Variants in IL13RA1 observed in about 807,000 individuals in gnomAD.
IL13RA1 encodes interleukin-13 receptor subunit alpha-1.
In IL13RA1, 14 loss-of-function variants were observed where a neutral mutation model predicts 33.8. The ratio of observed to expected loss-of-function variants is 0.41; its 90% CI spans 0.27 to 0.65. The LOEUF is 0.65. Among genes scored for constraint, IL13RA1 ranks in the 30% least tolerant of loss-of-function variants. The pLI is 0.28. For synonymous variants in IL13RA1, 116 were observed against 115.7 expected, an observed-to-expected ratio of 1.00 and a Z score of -0.02; for missense variants, 313 against 327.0, an observed-to-expected ratio of 0.96 and a Z score of 0.33.
chrX:118,787,154 A>G (rs776461390), intron 10 of IL13RA1, among the ~76,000 whole-genome samples: 8 of 111,683 alleles, frequency 7.2e-5, no homozygotes, highest in African/African-American at 2.3e-4. Context: ...CCAGCCCCCA[A>G]TATTTCAACG....
chrX:118,758,238 C>A lies in IL13RA1; in HGVS notation c.672C>A (p.Ser224=), dbSNP rs995343473. 2.0e-6 allele frequency: 2 copies of A among 1,005,658 alleles called. No homozygotes were observed. The highest frequency in any genetic ancestry group is 3.7e-5 in the African/African-American group (2 of 53,341). 82.9% of individuals were successfully genotyped at this position (1,005,658 alleles called of 1,213,427 possible). ...KPSFNIVPLT[S]RVKPDPPHIK... ...CCTTCAATATAGTGCCTTTAACTTC[C>A]CGTGGTAAGTTTTAGAAGTCCTCTA... The change falls in exon 5 of 11, where the codon TCC becomes TCA. Residue 224 remains serine, a synonymous_variant. Transcript: ENST00000371666.
chrX:118,754,206 C>G, intron 4 of IL13RA1, among the ~76,000 whole-genome samples: 1 of 111,520 alleles, frequency 9.0e-6, no homozygotes, highest in Non-Finnish European at 1.9e-5. Flanking sequence ...TCCCTTCTCT[C>G]TCAGCCTTAG....
At chrX:118,803,101 T>C in the IL13RA1 span, among the ~76,000 whole-genome samples, 1 of 112,542 alleles carries the variant, frequency 8.9e-6, no homozygotes, top group African/African-American at 3.2e-5. Flanking sequence ...TTCCTGTTCC[T>C]TGTGGCCTCT....
chrX:118,800,877 C>G, the IL13RA1 span, among the ~76,000 whole-genome samples: 3 of 111,925 alleles, frequency 2.7e-5, no homozygotes, highest in African/African-American at 6.5e-5. Flanking sequence ...ATCTCCACCT[C>G]CCAGGTTCAA....
At chrX:118,765,217 C>T (rs2017633826) in intron 6 of IL13RA1, among the ~76,000 whole-genome samples, 2 of 110,533 alleles carry the variant, frequency 1.8e-5, no homozygotes, top group South Asian at 3.9e-4. Flanking sequence ...CCTGTCTTAG[C>T]GTGCGGAGTA....
At position 118,727,649 on chromosome X, in the gene IL13RA1, C is replaced by CGGCGCGGCTCTGCGGGCTGTG; in HGVS notation, c.17_37dup (p.Arg6_Ala12dup). On this transcript the variant is annotated inframe_insertion, in exon 1 of 11. Coordinates refer to ENST00000371666, the MANE Select transcript of IL13RA1 (RefSeq NM_001560.3). The stretch of plus-strand genomic sequence containing the variant: ...GAGGCGAGAGGCTGCATGGAGTGGC[C>CGGCGCGGCTCTGCGGGCTGTG]GGCGCGGCTCTGCGGGCTGTGGGCG... 2 of 903,017 alleles carry CGGCGCGGCTCTGCGGGCTGTG rather than the reference C, an allele frequency of 2.2e-6. No individual in the cohort carries two copies. Among genetic ancestry groups the CGGCGCGGCTCTGCGGGCTGTG allele is most frequent in the Non-Finnish European group, 2.7e-6 (2 of 730,462 alleles). 74.4% of individuals were successfully genotyped at this position (903,017 alleles called of 1,213,427 possible). A position where few individuals can be genotyped will look rare whatever the true frequency, so the allele number is the denominator to read the frequency against.
the IL13RA1 span, among the ~76,000 whole-genome samples, chrX:118,804,394 TACACACACACACACACAC>T: frequency 1.1e-5 from 1 of 89,703 alleles, no homozygotes; most frequent in South Asian, 5.8e-4. Context: ...CAGCCATGCA[TACACACACACACACACAC>T]ACACACACAC....
chrX:118,777,037 G>A (rs1217317017), intron 10 of IL13RA1, among the ~76,000 whole-genome samples: 1 of 107,040 alleles, frequency 9.3e-6, no homozygotes, highest in African/African-American at 3.4e-5. Context: ...ATACAGTTTA[G>A]TGTCATTAAA....
At chrX:118,781,616 T>C (rs1232484855) in intron 10 of IL13RA1, among the ~76,000 whole-genome samples, 1 of 113,045 alleles carries the variant, frequency 8.8e-6, no homozygotes, top group Non-Finnish European at 1.9e-5. Context: ...CCTCCCAAAG[T>C]GCTGGGATTA....
chrX:118,748,005 T>TTGTGTG (rs61230421), intron 3 of IL13RA1, among the ~76,000 whole-genome samples: 41,493 of 88,562 alleles, frequency 0.47, 8,609 homozygotes, highest in Non-Finnish European at 0.56. Flanking sequence ...AGAGTGAATG[T>TTGTGTG]TGTGTGTGTG....
chrX:118,770,136 A>G, intron 8 of IL13RA1: 1 of 269,535 alleles, frequency 3.7e-6, no homozygotes, highest in Non-Finnish European at 7.1e-6. Context: ...GTGCTGACCA[A>G]CTTCTACCAA....
intron 1 of IL13RA1, among the ~76,000 whole-genome samples, chrX:118,734,900 A>C (rs2017264215): frequency 9.0e-6 from 1 of 111,530 alleles, no homozygotes; most frequent in African/African-American, 3.3e-5. Flanking sequence ...TTATCTGTGA[A>C]GCTATCAGGT....
intron 1 of IL13RA1, among the ~76,000 whole-genome samples, chrX:118,731,984 G>A (rs2017226423): frequency 8.9e-6 from 1 of 111,927 alleles, no homozygotes; most frequent in Non-Finnish European, 1.9e-5. Context: ...ACATGTATTT[G>A]TATATATTTA....
At chrX:118,772,049 C>T (rs988248169) in intron 8 of IL13RA1, among the ~76,000 whole-genome samples, 1 of 112,264 alleles carries the variant, frequency 8.9e-6, no homozygotes, top group Non-Finnish European at 1.9e-5. Context: ...GGGTTTGTGT[C>T]GATTTATTTG....
intron 1 of IL13RA1, among the ~76,000 whole-genome samples, chrX:118,734,188 A>G (rs755242639): frequency 7.4e-4 from 83 of 112,572 alleles, no homozygotes; most frequent in African/African-American, 2.6e-3. Context: ...AATTGAATCT[A>G]TATATCACTT....
At chrX:118,770,047 T>C in intron 8 of IL13RA1, 1 of 247,541 alleles carries the variant, frequency 4.0e-6, no homozygotes, top group South Asian at 4.0e-5. Flanking sequence ...GCCAGGGCTG[T>C]GTGCCACTGC....
chrX:118,766,672 T>A, intron 7 of IL13RA1, 95 bp downstream of exon 7: 1 of 611,094 alleles, frequency 1.6e-6, no homozygotes, highest in Non-Finnish European at 2.7e-6. Flanking sequence ...AAAAACAAAT[T>A]ACGTTGTTCC....
intron 10 of IL13RA1, among the ~76,000 whole-genome samples, chrX:118,784,108 TAC>T (rs2017882188): frequency 2.1e-5 from 1 of 47,056 alleles, no homozygotes. Flanking sequence ...TATATATATA[TAC>T]GTATATATGT....
At chrX:118,803,854 TTTCCTTCCTTCCTTCCTTCCTTCCTTCC>T in the IL13RA1 span, among the ~76,000 whole-genome samples, 208 of 69,371 alleles carry the variant, frequency 3.0e-3, 1 homozygote, top group Middle Eastern at 6.8e-3. Context: ...TGTTTTCTCT[TTTCCTTCCTTCCTTCCTTCCTTCCTTCC>T]TTCCTTCCTT....
Sources: allele counts gnomAD v4.1 joint callset (sites outside exome capture counted in the v4.1 genomes callset), GRCh38; gene constraint gnomAD v4.1.1; transcripts MANE v1.5; gene names NCBI Gene and HGNC (gene_info 2026-07-23, HGNC 2026-07-21).